Variants in ANKRD11 observed in about 807,000 individuals in gnomAD.
The protein encoded by ANKRD11 is ankyrin repeat domain-containing protein 11.
ANKRD11 carries 17 observed loss-of-function variants against 195.7 expected under a neutral mutation model. The ratio of observed to expected loss-of-function variants is 0.09; its 90% CI spans 0.06 to 0.13. ANKRD11 has a LOEUF of 0.13. ANKRD11 is among the 10% of genes least tolerant of loss of function. The pLI, the probability that ANKRD11 is intolerant of heterozygous loss-of-function variation, is 1.00. For missense variants in ANKRD11, 3,735 were observed against 3,566.1 expected (o/e 1.05, Z -1.21); for synonymous variants, 1,953 against 1,528.1 (o/e 1.28, Z -6.49).
chr16:89,419,013 T>C (rs2042409621), intron 1 of ANKRD11, among the ~76,000 whole-genome samples: 1 of 152,046 alleles, frequency 6.6e-6, no homozygotes, highest in Admixed American at 6.6e-5. Context: ...TCAGCCACCA[T>C]GCCCAGCCTT....
rs574660264 is a variant in ANKRD11 at position 89,364,711 on chromosome 16, G to A, written c.-59-47633C>T. 1.9e-3 allele frequency among the ~76,000 whole-genome samples: 296 copies of A among 152,308 alleles called. 2 individuals carry two copies. Among genetic ancestry groups the A allele is most frequent in the Non-Finnish European group, 3.2e-3 (216 of 68,022 alleles). ...AAATTTGTGTTGGGCCACATTCAAA[G>A]CTGCCATGGGCCGCGGGCTGGACAA... On this transcript the variant is annotated intron_variant, in intron 2 of 12. Transcript: ENST00000301030.
chr16:89,303,353 T>C (rs1332958951), intron 4 of ANKRD11, among the ~76,000 whole-genome samples: 1 of 152,180 alleles, frequency 6.6e-6, no homozygotes, highest in African/African-American at 2.4e-5. Context: ...CTGGACTGAC[T>C]TTCTCTAGGC....
chr16:89,449,941 T>C (rs1402733444), intron 1 of ANKRD11, among the ~76,000 whole-genome samples: 5 of 152,140 alleles, frequency 3.3e-5, no homozygotes, highest in Admixed American at 3.3e-4. Flanking sequence ...CAGCTCCTGC[T>C]TCACTGAGCA....
At chr16:89,278,451 G>A (rs1567550089) in intron 9 of ANKRD11, 1 of 447,058 alleles carries the variant, frequency 2.2e-6, no homozygotes, top group Non-Finnish European at 4.5e-6. Context: ...GCAAGGAGCT[G>A]GGGGAGTGGG....
At chr16:89,471,486 G>A (rs1412061875) in intron 1 of ANKRD11, among the ~76,000 whole-genome samples, 1 of 151,566 alleles carries the variant, frequency 6.6e-6, no homozygotes, top group Non-Finnish European at 1.5e-5. Context: ...AGGCCACCAT[G>A]GAGACACTTA....
chr16:89,350,103 A>G (rs952322590), intron 2 of ANKRD11, among the ~76,000 whole-genome samples: 1 of 152,210 alleles, frequency 6.6e-6, no homozygotes, highest in Non-Finnish European at 1.5e-5. Context: ...AAAGACAAGC[A>G]ACATCATTTG....
At chr16:89,426,529 TCACACACACACACACACA>T (rs55664494) in intron 1 of ANKRD11, among the ~76,000 whole-genome samples, 8 of 142,256 alleles carry the variant, frequency 5.6e-5, no homozygotes, top group South Asian at 2.3e-4. Context: ...CACTTAAACA[TCACACACACACACACACA>T]CACACACACA....
chr16:89,384,250 G>A (rs2040791914), intron 2 of ANKRD11, among the ~76,000 whole-genome samples: 1 of 152,142 alleles, frequency 6.6e-6, no homozygotes, highest in South Asian at 2.1e-4. Flanking sequence ...ATTTCTCAAG[G>A]CTGGGCACGG....
chr16:89,404,159 C>CA (rs1234652968), intron 2 of ANKRD11, among the ~76,000 whole-genome samples: 1 of 152,154 alleles, frequency 6.6e-6, no homozygotes, highest in Non-Finnish European at 1.5e-5. Flanking sequence ...GTCATGGACA[C>CA]AGCCCACAGG....
At chr16:89,423,748 T>C (rs1027222137) in intron 1 of ANKRD11, among the ~76,000 whole-genome samples, 6 of 152,166 alleles carry the variant, frequency 3.9e-5, no homozygotes, top group African/African-American at 7.2e-5. Context: ...GCTTCGATGG[T>C]GTAAGAAAAC....
At chr16:89,345,654 A>G (rs1385246943) in intron 2 of ANKRD11, among the ~76,000 whole-genome samples, 2 of 152,256 alleles carry the variant, frequency 1.3e-5, no homozygotes, top group African/African-American at 4.8e-5. Context: ...TACAAGACCA[A>G]GTTTGTCAGA....
At position 89,427,659 on chromosome 16, in the gene ANKRD11, T is replaced by C. The variant is rs191151093; in HGVS notation, c.-144-9291A>G. ...AATAAATACAAAAAAATTAGCTGGGTGTGGTGGCACATGCCTGTAATCCCA... is the reference window on the plus strand; with the variant it reads ...AATAAATACAAAAAAATTAGCTGGGCGTGGTGGCACATGCCTGTAATCCCA... On this transcript the variant is annotated intron_variant, in intron 1 of 12. Coordinates refer to ENST00000301030, the MANE Select transcript of ANKRD11 (RefSeq NM_013275.6). Among the ~76,000 whole-genome samples, 5 of 151,648 alleles carry C rather than the reference T, an allele frequency of 3.3e-5. No homozygotes were observed. In the East Asian group the frequency reaches 5.9e-4, roughly 18 times the overall value.
intron 1 of ANKRD11, among the ~76,000 whole-genome samples, chr16:89,428,824 G>A (rs909110028): frequency 6.6e-6 from 1 of 152,180 alleles, no homozygotes; most frequent in African/African-American, 2.4e-5. Context: ...AACCCAGGAG[G>A]CGGAGCTTGC....
At chr16:89,413,704 T>C (rs2042186131) in intron 2 of ANKRD11, among the ~76,000 whole-genome samples, 4 of 152,162 alleles carry the variant, frequency 2.6e-5, no homozygotes, top group Admixed American at 2.6e-4. Context: ...CCTAGTCCTG[T>C]GGCTGTCAGC....
At position 89,279,645 on chromosome 16, in the gene ANKRD11, G is replaced by T. The variant is rs1202432427; in HGVS notation, c.6897C>A (p.Ala2299=). The T allele has an allele frequency of 1.4e-6, 2 of 1,439,952 alleles. No homozygotes were observed. The highest frequency in any genetic ancestry group is 1.8e-6 in the Non-Finnish European group (2 of 1,102,400). The allele number at this position is 1,439,952 out of a possible 1,614,324, so 89.2% of individuals were successfully genotyped here. A position where few individuals can be genotyped will look rare whatever the true frequency, so the allele number is the denominator to read the frequency against. ...CAGGAGGGCCTTCGGCTGGGGCGGC[G>T]GCACGGGAGGCCTCAGTGTCGTCCT... The part of the protein sequence containing the change: ...GPEDDTEASR[A]AAPAEGPPGG... Residue 2299 remains alanine, a synonymous_variant, in exon 9 of 13, where the codon GCC becomes GCA. Transcript: ENST00000301030. This position sits in a 1 kb window ranked among gnomAD's most constrained non-coding sequence, Gnocchi z 5.6.
At chr16:89,402,444 C>T (rs946504117) in intron 2 of ANKRD11, among the ~76,000 whole-genome samples, 6 of 152,056 alleles carry the variant, frequency 3.9e-5, no homozygotes, top group Non-Finnish European at 7.4e-5. Flanking sequence ...CATGAGGAAG[C>T]CGAGGCGGGA....
At chr16:89,391,561 G>GA (rs1263404161) in intron 2 of ANKRD11, among the ~76,000 whole-genome samples, 1 of 152,150 alleles carries the variant, frequency 6.6e-6, no homozygotes, top group Non-Finnish European at 1.5e-5. Context: ...GAGAGCAAAG[G>GA]AAAAATCTGA....
intron 2 of ANKRD11, among the ~76,000 whole-genome samples, chr16:89,339,556 A>C (rs1416987426): frequency 6.6e-6 from 1 of 152,216 alleles, no homozygotes; most frequent in East Asian, 1.9e-4. Flanking sequence ...CCCTCAATTT[A>C]TTTAGAATGG....
At chr16:89,372,411 C>A (rs1223450449) in intron 2 of ANKRD11, among the ~76,000 whole-genome samples, 1 of 152,006 alleles carries the variant, frequency 6.6e-6, no homozygotes. Flanking sequence ...CGGACGGGGT[C>A]GACAAGGCAG....
Sources: gnomAD v4.1 joint callset for allele counts (sites outside exome capture counted in the v4.1 genomes callset) on GRCh38, gnomAD v4.1.1 for gene constraint, Gnocchi (gnomAD v3.1) non-coding constraint, MANE v1.5 for transcripts, NCBI Gene and HGNC (gene_info 2026-07-23, HGNC 2026-07-21) for gene names.